The following NFIB variants were observed in gnomAD, a reference collection of about 807,000 sequenced individuals.
NFIB encodes nuclear factor 1 B-type.
A neutral mutation model predicts 61.5 loss-of-function variants in NFIB; 11 were observed. The ratio of observed to expected loss-of-function variants is 0.18; its 90% CI spans 0.11 to 0.30. The LOEUF (loss-of-function observed/expected upper bound fraction) is 0.30. NFIB is among the 10% of genes least tolerant of loss of function. The probability of loss-of-function intolerance (pLI) is 1.00; values close to 1 mark genes in which losing one functional copy is unlikely to be tolerated. For missense variants in NFIB, 471 were observed against 608.9 expected (o/e 0.77, Z 2.38); for synonymous variants, 260 against 216.5 (o/e 1.20, Z -1.76).
chr9:14,189,747 C>T (rs1218873509), intron 2 of NFIB, among the ~76,000 whole-genome samples: 3 of 149,696 alleles, frequency 2.0e-5, no homozygotes, highest in East Asian at 3.9e-4. Context: ...TTATTCACTG[C>T]CCTAGCATAT....
intron 10 of NFIB, among the ~76,000 whole-genome samples, chr9:14,103,994 T>G (rs2036169943): frequency 2.0e-5 from 3 of 152,100 alleles, no homozygotes. Flanking sequence ...CTCAGTTCAC[T>G]GCAACCTTCA....
chr9:14,182,998 T>C (rs2046974164), intron 2 of NFIB, among the ~76,000 whole-genome samples: 2 of 152,204 alleles, frequency 1.3e-5, no homozygotes, highest in South Asian at 4.2e-4. Flanking sequence ...ACATTTAAAA[T>C]GATTAATATA....
chr9:14,405,457 G>A, the NFIB span, among the ~76,000 whole-genome samples: 1 of 152,216 alleles, frequency 6.6e-6, no homozygotes, highest in African/African-American at 2.4e-5. Context: ...CAGGGAAACT[G>A]ACTTTGGAGG....
chr9:14,366,321 C>A (rs1046992286), intron 1 of NFIB, among the ~76,000 whole-genome samples: 1 of 152,092 alleles, frequency 6.6e-6, no homozygotes, highest in African/African-American at 2.4e-5. Context: ...ATAAGTGAAA[C>A]CCGATGTCTT....
rs764333096 is a variant in NFIB at position 14,307,286 on chromosome 9, G to T, written c.265C>A (p.Arg89=). The part of the protein sequence containing the change: ...KLRKDIRQEY[R]EDFVLTVTGK... The stretch of plus-strand genomic sequence containing the variant: ...GTCACGGTGAGCACAAAGTCCTCTC[G>T]ATACTCCTGGCGAATATCTTTGCGC... The change falls in exon 2 of 11, where the codon CGA becomes AGA. Residue 89 remains arginine (R), a synonymous_variant. Coordinates refer to ENST00000380953, the MANE Select transcript of NFIB (RefSeq NM_001190737.2). This position sits in a 1 kb window ranked among gnomAD's most constrained non-coding sequence, Gnocchi z 5.3. 13 of 1,613,846 alleles carry T rather than the reference G, an allele frequency of 8.1e-6. No individual in the cohort carries two copies. The South Asian group carries it at 1.1e-4, about 14-fold the overall frequency.
At chr9:14,158,542 A>G (rs778501539) in intron 3 of NFIB, among the ~76,000 whole-genome samples, 8 of 152,240 alleles carry the variant, frequency 5.3e-5, no homozygotes, top group Admixed American at 1.3e-4. Flanking sequence ...GTTCATCTCT[A>G]TATCTTCCTT....
chr9:14,144,464 C>G (rs2042078942), intron 6 of NFIB, among the ~76,000 whole-genome samples: 1 of 152,118 alleles, frequency 6.6e-6, no homozygotes, highest in Non-Finnish European at 1.5e-5. Flanking sequence ...TTTTTCGTTT[C>G]ACTTCTGCAA....
intron 1 of NFIB, among the ~76,000 whole-genome samples, chr9:14,353,888 T>G (rs1370090693): frequency 6.8e-6 from 1 of 147,570 alleles, no homozygotes; most frequent in Admixed American, 6.8e-5. Context: ...CAATTGAGGC[T>G]GACAGGACAA....
chr9:14,227,213 T>C (rs1397124805), intron 2 of NFIB, among the ~76,000 whole-genome samples: 1 of 151,286 alleles, frequency 6.6e-6, no homozygotes, highest in Non-Finnish European at 1.5e-5. Context: ...TGCAGAAAAC[T>C]ACTACCAATT....
the NFIB span, among the ~76,000 whole-genome samples, chr9:14,484,873 A>G: frequency 6.6e-6 from 1 of 152,176 alleles, no homozygotes; most frequent in South Asian, 2.1e-4. Context: ...AACAACAGAA[A>G]TATATTTTTT....
chr9:14,129,796 CATAA>C (rs1317057222), intron 6 of NFIB, among the ~76,000 whole-genome samples: 5 of 152,030 alleles, frequency 3.3e-5, no homozygotes, highest in Admixed American at 6.6e-5. Context: ...TTGAATAATG[CATAA>C]ATATATAATA....
intron 2 of NFIB, among the ~76,000 whole-genome samples, chr9:14,200,292 T>A (rs913112540): frequency 4.6e-5 from 7 of 152,108 alleles, no homozygotes; most frequent in Admixed American, 1.3e-4. Context: ...ACAATAAACA[T>A]AATCCACTGT....
intron 3 of NFIB, among the ~76,000 whole-genome samples, chr9:14,162,951 C>T (rs186479411): frequency 6.6e-6 from 1 of 152,062 alleles, no homozygotes; most frequent in East Asian, 1.9e-4. Flanking sequence ...TGCCTCTCTC[C>T]AACGGTGTTA....
intron 1 of NFIB, among the ~76,000 whole-genome samples, chr9:14,377,543 T>C (rs749129992): frequency 2.0e-5 from 3 of 152,226 alleles, no homozygotes; most frequent in African/African-American, 7.2e-5. Context: ...TCAGCACCTA[T>C]ACCCAGTACA....
In NFIB at chr9:14,231,130, AAAAAAATATATAT is replaced by A. The variant is rs1257991290; in HGVS notation, c.563-51363_563-51351del. Among the ~76,000 whole-genome samples, 18 of 94,352 alleles carry A rather than the reference AAAAAAATATATAT, an allele frequency of 1.9e-4. No homozygotes were observed. In the East Asian group the frequency reaches 6.4e-3, roughly 34 times the overall value. The allele number at this position is 94,352 out of a possible 152,430, so 61.9% of individuals were successfully genotyped here. On this transcript the variant is annotated intron_variant, in intron 2 of 10. Coordinates refer to ENST00000380953, the MANE Select transcript of NFIB (RefSeq NM_001190737.2). ...CAGTTTTTCCATGGGGAAAAAAAAAAAAAAAATATATATATATATATATATATATATATATATT... is the reference window on the plus strand; with the variant it reads ...CAGTTTTTCCATGGGGAAAAAAAAAAATATATATATATATATATATATATT...
intron 1 of NFIB, among the ~76,000 whole-genome samples, chr9:14,379,579 A>G (rs1288463039): frequency 6.6e-6 from 1 of 152,208 alleles, no homozygotes; most frequent in Non-Finnish European, 1.5e-5. Flanking sequence ...GTGGTATTAT[A>G]TCGTCACTTT....
At chr9:14,295,780 T>C (rs1457837469) in intron 2 of NFIB, among the ~76,000 whole-genome samples, 2 of 152,194 alleles carry the variant, frequency 1.3e-5, no homozygotes, top group Non-Finnish European at 2.9e-5. Context: ...GTTTTACACT[T>C]TTATTGGAGT....
chr9:14,529,017 A>C, the NFIB span, among the ~76,000 whole-genome samples: 1 of 152,186 alleles, frequency 6.6e-6, no homozygotes, highest in Admixed American at 6.5e-5. Flanking sequence ...ATACAAAATC[A>C]TCTAAAGAAG....
intron 2 of NFIB, among the ~76,000 whole-genome samples, chr9:14,221,748 C>G (rs1278414948): frequency 3.9e-5 from 6 of 152,242 alleles, no homozygotes; most frequent in Admixed American, 6.5e-5. Flanking sequence ...CCCTTGGAAT[C>G]CATAGTATAA....
Sources: allele counts gnomAD v4.1 joint callset (sites outside exome capture counted in the v4.1 genomes callset), GRCh38; gene constraint gnomAD v4.1.1; non-coding constraint Gnocchi (gnomAD v3.1); transcripts MANE v1.5; gene names NCBI Gene and HGNC (gene_info 2026-07-23, HGNC 2026-07-21).